The following TRMT11 variants were observed in gnomAD, a reference collection of about 807,000 sequenced individuals.
TRMT11 encodes tRNA methyltransferase 11, also known as tRNA (guanine(10)-N(2))-methyltransferase TRMT11.
In TRMT11, 53 loss-of-function variants were observed where a neutral mutation model predicts 62.8. That is an observed-to-expected ratio of 0.84 (90% CI 0.68 to 1.06). TRMT11 has a LOEUF of 1.06. TRMT11 is among the 50% of genes least tolerant of loss of function. The pLI is 0.00. For synonymous variants in TRMT11, 188 were observed against 190.3 expected (o/e 0.99, Z 0.10); for missense variants, 556 against 553.4 (o/e 1.00, Z -0.05).
chr6:126,127,411 A>G (rs1166359346), intron 21 of TRMT11, among the ~76,000 whole-genome samples: 2 of 152,086 alleles, frequency 1.3e-5, no homozygotes, highest in Admixed American at 1.3e-4. Flanking sequence ...AATGGGTAGA[A>G]ACCTCAGAAA....
At chr6:126,171,350 T>A (rs959121423) in intron 21 of TRMT11, among the ~76,000 whole-genome samples, 1 of 152,080 alleles carries the variant, frequency 6.6e-6, no homozygotes, top group African/African-American at 2.4e-5. Flanking sequence ...ATAGACATTG[T>A]ATCCTAAGAG....
chr6:126,006,453 TAACCTTA>T (rs1793363667), intron 7 of TRMT11, among the ~76,000 whole-genome samples: 1 of 152,016 alleles, frequency 6.6e-6, no homozygotes, highest in African/African-American at 2.4e-5. Context: ...GATACTACCC[TAACCTTA>T]AAGTGCTTAC....
the TRMT11 span, among the ~76,000 whole-genome samples, chr6:126,264,210 T>G: frequency 2.6e-5 from 4 of 152,214 alleles, no homozygotes; most frequent in Non-Finnish European, 5.9e-5. Flanking sequence ...CTTTCTATTG[T>G]ATTTTCTTTA....
At chr6:126,229,777 G>A in the TRMT11 span, among the ~76,000 whole-genome samples, 3 of 152,112 alleles carry the variant, frequency 2.0e-5, no homozygotes, top group Non-Finnish European at 4.4e-5. Flanking sequence ...CTTTTGTACC[G>A]TGCTATTTCT....
At chr6:126,045,187 CA>C (rs58899844) in intron 16 of TRMT11, among the ~76,000 whole-genome samples, 1,625 of 126,798 alleles carry the variant, frequency 0.013, 20 homozygotes, top group African/African-American at 0.034. Context: ...GACTCCATCT[CA>C]AAAAAAAAAA....
chr6:126,239,678 T>C, the TRMT11 span, among the ~76,000 whole-genome samples: 5 of 152,164 alleles, frequency 3.3e-5, no homozygotes, highest in African/African-American at 4.8e-5. Flanking sequence ...ATCTGAGAAT[T>C]ATGTGTCTTG....
the TRMT11 span, among the ~76,000 whole-genome samples, chr6:126,214,884 C>G: frequency 1.3e-5 from 2 of 151,852 alleles, no homozygotes; most frequent in African/African-American, 4.8e-5. Context: ...TGAGCTTTCT[C>G]TTAGTACTGC....
intron 11 of TRMT11, among the ~76,000 whole-genome samples, chr6:126,014,016 G>T (rs973949394): frequency 2.0e-5 from 3 of 152,126 alleles, no homozygotes; most frequent in African/African-American, 7.2e-5. Context: ...AATAAGAGCT[G>T]TGCATATATT....
At chr6:126,256,261 G>A in the TRMT11 span, among the ~76,000 whole-genome samples, 1 of 152,134 alleles carries the variant, frequency 6.6e-6, no homozygotes, top group African/African-American at 2.4e-5. Flanking sequence ...ACTTAACTTT[G>A]GAAGTCATAC....
intron 21 of TRMT11, among the ~76,000 whole-genome samples, chr6:126,152,128 G>C (rs946472711): frequency 6.7e-6 from 1 of 150,330 alleles, no homozygotes; most frequent in African/African-American, 2.5e-5. Flanking sequence ...TTTGGGGATT[G>C]GGTAAGTATG....
chr6:126,258,924 G>C, the TRMT11 span, among the ~76,000 whole-genome samples: 1 of 152,032 alleles, frequency 6.6e-6, no homozygotes, highest in East Asian at 1.9e-4. Flanking sequence ...TTTCACCTAG[G>C]TATTAAGCCT....
chr6:126,060,274 T>G (rs1433387678), intron 17 of TRMT11, among the ~76,000 whole-genome samples: 1 of 152,250 alleles, frequency 6.6e-6, no homozygotes, highest in African/African-American at 2.4e-5. Context: ...AGAACTCAAA[T>G]GTCAACATTG....
chr6:126,204,945 AC>A (rs1778775297), downstream of TRMT11, among the ~76,000 whole-genome samples: 1 of 152,202 alleles, frequency 6.6e-6, no homozygotes, highest in Non-Finnish European at 1.5e-5. Flanking sequence ...TACACCTAGG[AC>A]CTTTTCCCTT....
intron 17 of TRMT11, among the ~76,000 whole-genome samples, chr6:126,056,364 C>G (rs1001309852): frequency 5.3e-5 from 8 of 152,176 alleles, no homozygotes; most frequent in Non-Finnish European, 8.8e-5. Context: ...GATTTCAAAG[C>G]TTCCACTGCT....
chr6:126,069,201 C>G (rs193195363), intron 17 of TRMT11, among the ~76,000 whole-genome samples: 143 of 152,330 alleles, frequency 9.4e-4, no homozygotes, highest in African/African-American at 3.4e-3. Context: ...CACAGCTGAA[C>G]CAGGCCATAA....
the TRMT11 span, among the ~76,000 whole-genome samples, chr6:126,259,676 C>T: frequency 6.6e-6 from 1 of 152,068 alleles, no homozygotes; most frequent in African/African-American, 2.4e-5. Flanking sequence ...CTGTTGAAGT[C>T]CCCTACTATA....
At chr6:125,993,669 T>G in intron 1 of TRMT11, 88 bp from the exon 2 acceptor site, 1 of 738,306 alleles carries the variant, frequency 1.4e-6, no homozygotes, top group Middle Eastern at 3.5e-4. Context: ...CTACTCTTAT[T>G]TTTTAGTCAT....
intron 17 of TRMT11, among the ~76,000 whole-genome samples, chr6:126,096,508 T>A (rs1777341084): frequency 6.6e-6 from 1 of 152,140 alleles, no homozygotes; most frequent in Admixed American, 6.5e-5. Context: ...CATCATTAGG[T>A]CATGCTACCT....
chr6:126,219,472 G>T, the TRMT11 span, among the ~76,000 whole-genome samples: 2 of 152,162 alleles, frequency 1.3e-5, no homozygotes. Context: ...GCATCAGACT[G>T]CACAGATTTA....
Sources: allele counts gnomAD v4.1 joint callset (sites outside exome capture counted in the v4.1 genomes callset), GRCh38; gene constraint gnomAD v4.1.1; transcripts MANE v1.5; gene names NCBI Gene and HGNC (gene_info 2026-07-23, HGNC 2026-07-21).